CYTH3: variants seen among roughly 807,000 people sequenced by gnomAD.
CYTH3 encodes the protein cytohesin 3, also known as cytohesin-3.
In CYTH3, 23 loss-of-function variants were observed where a neutral mutation model predicts 55.1. The ratio of observed to expected loss-of-function variants is 0.42; its 90% confidence interval spans 0.30 to 0.59. CYTH3 has a LOEUF of 0.59. CYTH3 is among the 20% of genes least tolerant of loss of function. The probability of loss-of-function intolerance (pLI) is 0.20; values close to 1 mark genes in which losing one functional copy is unlikely to be tolerated. For missense variants in CYTH3, 413 were observed against 524.8 expected, an observed-to-expected ratio of 0.79 and a Z score of 2.08; for synonymous variants, 249 against 194.9, an observed-to-expected ratio of 1.28 and a Z score of -2.31.
At chr7:6,233,582 G>C (rs1779440710) in intron 1 of CYTH3, among the ~76,000 whole-genome samples, 1 of 151,446 alleles carries the variant, frequency 6.6e-6, no homozygotes, top group African/African-American at 2.4e-5. Context: ...CTTGAACCCA[G>C]GAGGCAGAGG....
chr7:6,185,470 G>T (rs928243018), intron 4 of CYTH3, among the ~76,000 whole-genome samples: 31 of 152,090 alleles, frequency 2.0e-4, no homozygotes, highest in African/African-American at 7.5e-4. Flanking sequence ...GCCAAGGTGG[G>T]CAGATCACAA....
chr7:6,162,710 C>G lies in CYTH3; in HGVS notation c.*2234G>C, dbSNP rs1007238152. 2.6e-5 allele frequency: 4 copies of G among 152,288 alleles called. No individual in the cohort carries two copies. Among genetic ancestry groups the G allele is most frequent in the Non-Finnish European group, 5.9e-5 (4 of 68,068 alleles). 9.4% of individuals were successfully genotyped at this position (152,288 alleles called of 1,614,324 possible). A position where few individuals can be genotyped will look rare whatever the true frequency, so the allele number is the denominator to read the frequency against. ...CTCTGCATGGCTCCCAGGTGCCCACCACCTGGCGAAGCTCATTCACAGATG... is the reference window on the plus strand; with the variant it reads ...CTCTGCATGGCTCCCAGGTGCCCACGACCTGGCGAAGCTCATTCACAGATG... On this transcript the variant is annotated 3_prime_UTR_variant, in exon 13 of 13. Transcript: ENST00000350796.
chr7:6,178,117 A>T (rs1783394029), intron 4 of CYTH3, among the ~76,000 whole-genome samples, 176 bp from the exon 5 acceptor site: 1 of 152,226 alleles, frequency 6.6e-6, no homozygotes, highest in African/African-American at 2.4e-5. Flanking sequence ...CATTTTATCC[A>T]CCAAAGAAAC....
intron 5 of CYTH3, among the ~76,000 whole-genome samples, chr7:6,177,117 G>A (rs1783371286): frequency 6.6e-6 from 1 of 152,204 alleles, no homozygotes; most frequent in Admixed American, 6.5e-5. Context: ...CATAAGGATA[G>A]GGTCTGCCAT....
At chr7:6,235,583 T>G (rs991773271) in intron 1 of CYTH3, among the ~76,000 whole-genome samples, 2 of 152,118 alleles carry the variant, frequency 1.3e-5, no homozygotes, top group African/African-American at 4.8e-5. Flanking sequence ...CCCTAGGTCC[T>G]GCCTAACTCC....
intron 1 of CYTH3, among the ~76,000 whole-genome samples, chr7:6,206,321 C>T (rs1053449579): frequency 6.6e-6 from 1 of 152,150 alleles, no homozygotes; most frequent in Non-Finnish European, 1.5e-5. Context: ...ACTGAGAACA[C>T]GATGCTAGGT....
intron 1 of CYTH3, among the ~76,000 whole-genome samples, chr7:6,235,879 G>A (rs979071562): frequency 1.3e-5 from 2 of 151,948 alleles, no homozygotes; most frequent in East Asian, 1.9e-4. Flanking sequence ...AAAACAAAAC[G>A]ACGAGTAAGT....
intron 1 of CYTH3, among the ~76,000 whole-genome samples, chr7:6,270,905 A>C (rs1468447648): frequency 6.6e-6 from 1 of 152,066 alleles, no homozygotes; most frequent in African/African-American, 2.4e-5. Flanking sequence ...TCAAGTCTAC[A>C]TTTCTTTACT....
rs542664369 is a variant in CYTH3, at chr7:6,204,614, G to A, written c.35-14083C>T. Among the ~76,000 whole-genome samples the A allele has an allele frequency of 1.1e-4, 16 of 152,292 alleles. 1 individual carries two copies. Among genetic ancestry groups the A allele is most frequent in the African/African-American group, 2.9e-4 (12 of 41,558 alleles). The stretch of plus-strand genomic sequence containing the variant: ...ATTCAGGTTCTGTGGACCCCATCAC[G>A]GCTGAGGATATGCACGGACCTCCAT... On this transcript the variant is annotated intron_variant, in intron 1 of 12. Transcript: ENST00000350796.
chr7:6,229,389 G>A (rs767212822), intron 1 of CYTH3, among the ~76,000 whole-genome samples: 3 of 152,156 alleles, frequency 2.0e-5, no homozygotes, highest in East Asian at 1.9e-4. Context: ...AAGAAAGCGT[G>A]CTTGCTGCGG....
At position 6,169,212 on chromosome 7, in the gene CYTH3, T is replaced by C. The variant is rs1477685925; in HGVS notation, c.823+1323A>G. ...AGGCCTGTGCCCGTCACACCGTGTC[T>C]CACCCTTCCTTGATGTTTATTTTTT... On this transcript the variant is annotated intron_variant, in intron 9 of 12. Transcript: ENST00000350796. This position sits in a 1 kb window ranked among gnomAD's most constrained non-coding sequence, Gnocchi z 4.1. 6.6e-6 allele frequency among the ~76,000 whole-genome samples: 1 copy of C among 152,160 alleles called. No individual in the cohort carries two copies. Among genetic ancestry groups the C allele is most frequent in the Non-Finnish European group, 1.5e-5 (1 of 68,022 alleles).
At chr7:6,208,030 T>C (rs1784235934) in intron 1 of CYTH3, among the ~76,000 whole-genome samples, 1 of 152,186 alleles carries the variant, frequency 6.6e-6, no homozygotes, top group Admixed American at 6.5e-5. Flanking sequence ...TTTTGAGCAC[T>C]ACTGTTCTTA....
intron 1 of CYTH3, among the ~76,000 whole-genome samples, chr7:6,200,393 G>A (rs755368584): frequency 8.5e-5 from 13 of 152,270 alleles, no homozygotes; most frequent in Non-Finnish European, 1.5e-4. Context: ...ATGAACTGTG[G>A]CCAGAACCCT....
chr7:6,184,784 G>A (rs1424379883), intron 4 of CYTH3, among the ~76,000 whole-genome samples: 1 of 152,110 alleles, frequency 6.6e-6, no homozygotes, highest in Admixed American at 6.5e-5. Flanking sequence ...CACCATGTTG[G>A]CCAGGCTGGT....
At chr7:6,232,290 G>T (rs1779407132) in intron 1 of CYTH3, among the ~76,000 whole-genome samples, 1 of 152,138 alleles carries the variant, frequency 6.6e-6, no homozygotes, top group African/African-American at 2.4e-5. Flanking sequence ...GCAACTACAA[G>T]AAGCACCCCG....
chr7:6,271,916 C>G (rs1385533340), intron 1 of CYTH3, among the ~76,000 whole-genome samples: 1 of 152,120 alleles, frequency 6.6e-6, no homozygotes, highest in Non-Finnish European at 1.5e-5. Context: ...CCTCCCCGTT[C>G]GAGCAAATCC....
chr7:6,190,644 T>C (rs958342085), intron 1 of CYTH3, 113 bp from the exon 2 acceptor site: 6 of 780,642 alleles, frequency 7.7e-6, no homozygotes, highest in Non-Finnish European at 5.9e-6. Flanking sequence ...GTATTTATCC[T>C]AAAGAAATGC....
intron 12 of CYTH3, 94 bp from the exon 13 acceptor site, chr7:6,165,110 C>A: frequency 6.3e-7 from 1 of 1,582,562 alleles, no homozygotes; most frequent in South Asian, 1.1e-5. Context: ...GACAGGACCG[C>A]AGGCTCAGAT....
chr7:6,245,525 T>C (rs1048234111), intron 1 of CYTH3, among the ~76,000 whole-genome samples: 1 of 152,202 alleles, frequency 6.6e-6, no homozygotes, highest in Non-Finnish European at 1.5e-5. Context: ...GGAGCAGGCT[T>C]CTTCCCTACT....
Sources: allele counts gnomAD v4.1 joint callset (sites outside exome capture counted in the v4.1 genomes callset), GRCh38; gene constraint gnomAD v4.1.1; non-coding constraint Gnocchi (gnomAD v3.1); transcripts MANE v1.5; gene names NCBI Gene and HGNC (gene_info 2026-07-23, HGNC 2026-07-21).